The following ALB variants were observed in gnomAD, a reference collection of about 807,000 sequenced individuals.
ALB encodes serum albumin.
ALB carries 37 observed loss-of-function variants against 74.5 expected under a neutral mutation model. The observed-to-expected ratio is 0.50, with a 90% confidence interval of 0.38 to 0.65. ALB has a LOEUF of 0.65. ALB is among the 30% of genes least tolerant of loss of function. ALB has a pLI of 0.00. For missense variants in ALB, 685 were observed against 718.7 expected, an observed-to-expected ratio of 0.95 and a Z score of 0.54; for synonymous variants, 249 against 251.6, an observed-to-expected ratio of 0.99 and a Z score of 0.10.
rs1239014347 is a variant in ALB at position 73,419,589 on chromosome 4, G to A, written c.1735G>A (p.Val579Ile). ...TGTTATGGATGATTTCGCAGCTTTT[G>A]TAGAGAAGTGCTGCAAGGCTGACGA... ...KAVMDDFAAF[V>I]EKCCKADDKE... The change falls in exon 13 of 15, where the codon GTA becomes ATA. Residue 579 changes from valine to isoleucine, a missense_variant. By Grantham distance (29) the Val-to-Ile change is conservative (BLOSUM62 3). Transcript: ENST00000295897. The A allele has an allele frequency of 6.2e-6, 10 of 1,613,820 alleles. No homozygotes were observed. The highest frequency in any genetic ancestry group is 8.5e-6 in the Non-Finnish European group (10 of 1,179,936).
chr4:73,405,652 G>T (rs931890491), intron 2 of ALB, among the ~76,000 whole-genome samples: 1 of 151,314 alleles, frequency 6.6e-6, no homozygotes, highest in Non-Finnish European at 1.5e-5. Context: ...GTGCAGTGGC[G>T]CAATCTCGGC....
In ALB at chr4:73,410,368, T is replaced by A; in HGVS notation, c.672T>A (p.Cys224Ter). 1 of 1,613,884 alleles carries A rather than the reference T, an allele frequency of 6.2e-7. No homozygotes were observed. The highest frequency in any genetic ancestry group is 8.5e-7 in the Non-Finnish European group (1 of 1,179,776). ...KASSAKQRLK[C>*]ASLQKFGERA... The stretch of plus-strand genomic sequence containing the variant: ...CGTCTGCCAAACAGAGACTCAAGTG[T>A]GCCAGTCTCCAAAAATTTGGAGAAA... Residue 224 changes from cysteine (C) to a stop codon, truncating the protein, a stop_gained, in exon 6 of 15, where the codon TGT becomes TGA. Coordinates refer to ENST00000295897, the MANE Select transcript of ALB (RefSeq NM_000477.7). LOFTEE classifies it high-confidence loss of function.
At chr4:73,417,184 C>T (rs1201173080) in intron 10 of ALB, among the ~76,000 whole-genome samples, 1 of 152,152 alleles carries the variant, frequency 6.6e-6, no homozygotes, top group Non-Finnish European at 1.5e-5. Flanking sequence ...ATATTTCCTT[C>T]CATTTTCTAC....
At chr4:73,413,732 G>A in intron 8 of ALB, 98 bp downstream of exon 8, 1 of 1,195,386 alleles carries the variant, frequency 8.4e-7, no homozygotes, top group Non-Finnish European at 1.2e-6. Context: ...CAATTTCCCT[G>A]CTGCCCAGAA....
Position 73,419,625 on chromosome 4 carries a change from T to C in ALB, c.1771T>C (p.Cys591Arg). The C allele has an allele frequency of 6.2e-7, 1 of 1,614,086 alleles. No individual in the cohort carries two copies. Among genetic ancestry groups the C allele is most frequent in the Non-Finnish European group, 8.5e-7 (1 of 1,179,966 alleles). ...KCCKADDKET[C>R]FAEEGKKLVA... The stretch of plus-strand genomic sequence containing the variant: ...CTGCAAGGCTGACGATAAGGAGACC[T>C]GCTTTGCCGAGGAGGTACTACAGTT... The change falls in exon 13 of 15, where the codon TGC becomes CGC. Residue 591 changes from cysteine to arginine, a missense_variant. Coordinates refer to ENST00000295897, the MANE Select transcript of ALB (RefSeq NM_000477.7).
At chr4:73,413,230 A>G in intron 7 of ALB, 190 bp from the exon 8 acceptor site, 1 of 621,584 alleles carries the variant, frequency 1.6e-6, no homozygotes, top group Non-Finnish European at 2.9e-6. Context: ...GTCTATTTTA[A>G]TTAAGTGGGA....
chr4:73,418,750 A>G (rs1560385020), intron 12 of ALB, among the ~76,000 whole-genome samples: 1 of 152,230 alleles, frequency 6.6e-6, no homozygotes, highest in Non-Finnish European at 1.5e-5. Flanking sequence ...CTTGGATAAA[A>G]AACATGTAGA....
chr4:73,415,783 T>C (rs1718997628), intron 9 of ALB, among the ~76,000 whole-genome samples: 1 of 152,188 alleles, frequency 6.6e-6, no homozygotes, highest in Non-Finnish European at 1.5e-5. Context: ...TCTCTCATTT[T>C]GGAGAGCCTG....
intron 5 of ALB, 58 bp downstream of exon 5, chr4:73,409,545 T>C: frequency 6.2e-7 from 1 of 1,611,614 alleles, no homozygotes; most frequent in Non-Finnish European, 8.5e-7. Context: ...TTTGTCCATT[T>C]TGTGGCTAGA....
chr4:73,404,974 G>T (rs1314399287), intron 1 of ALB, 142 bp from the exon 2 acceptor site: 4 of 716,924 alleles, frequency 5.6e-6, no homozygotes, highest in African/African-American at 1.8e-5. Context: ...ACATCATCCT[G>T]AGTTTTTCTG....
Position 73,410,225 on chromosome 4 carries a change from A to AT in ALB, c.616-84dup, listed in dbSNP as rs1032236294. ...GCATAAATTATGCCTTCAAAATTTAATTTGGCACAGTCTCATCTGAGCTTA... is the reference window on the plus strand; with the variant it reads ...GCATAAATTATGCCTTCAAAATTTAATTTTGGCACAGTCTCATCTGAGCTTA... On this transcript the variant is annotated intron_variant, in intron 5 of 14. Coordinates refer to ENST00000295897, the MANE Select transcript of ALB (RefSeq NM_000477.7). The AT allele has an allele frequency of 2.9e-6, 3 of 1,033,666 alleles. No individual in the cohort carries two copies. The African/African-American group carries it at 4.7e-5, about 16-fold the overall frequency. The allele number at this position is 1,033,666 out of a possible 1,614,324, so 64.0% of individuals were successfully genotyped here. A position where few individuals can be genotyped will look rare whatever the true frequency, so the allele number is the denominator to read the frequency against.
chr4:73,419,706 T>G (rs1719100503), intron 13 of ALB, 67 bp downstream of exon 13: 7 of 1,570,914 alleles, frequency 4.5e-6, no homozygotes, highest in South Asian at 2.2e-5. Context: ...AGGCTAGGGC[T>G]TAGGGATTTA....
chr4:73,420,972 T>C, intron 14 of ALB, 120 bp from the exon 15 acceptor site: 1 of 587,340 alleles, frequency 1.7e-6, no homozygotes, highest in Non-Finnish European at 3.0e-6. Flanking sequence ...AGGCTTAAAT[T>C]GTTTTCACTG....
chr4:73,416,392 G>T (rs368009683), intron 10 of ALB, 39 bp downstream of exon 10: 1 of 1,489,636 alleles, frequency 6.7e-7, no homozygotes. Context: ...TTATCAATTT[G>T]TAATTATTTA....
At chr4:73,407,226 T>C (rs1189707656) in intron 3 of ALB, among the ~76,000 whole-genome samples, 1 of 152,158 alleles carries the variant, frequency 6.6e-6, no homozygotes, top group Non-Finnish European at 1.5e-5. Flanking sequence ...CATCTTGCTG[T>C]ATTAAAACTT....
chr4:73,406,449 A>G (rs1718731785), intron 2 of ALB, among the ~76,000 whole-genome samples, 180 bp from the exon 3 acceptor site: 1 of 152,226 alleles, frequency 6.6e-6, no homozygotes, highest in Non-Finnish European at 1.5e-5. Flanking sequence ...TTGCGTAGGA[A>G]GCCACATATG....
chr4:73,412,190 G>C, intron 7 of ALB, 65 bp downstream of exon 7: 2 of 1,591,596 alleles, frequency 1.3e-6, no homozygotes, highest in Non-Finnish European at 1.7e-6. Flanking sequence ...GGATGCGTTT[G>C]GTATCATTGG....
intron 3 of ALB, 27 bp from the exon 4 acceptor site, chr4:73,408,567 A>G (rs768193693): frequency 6.2e-7 from 1 of 1,601,240 alleles, no homozygotes; most frequent in Non-Finnish European, 8.6e-7. Context: ...ACTGTCCAGC[A>G]ACTGAAACCT....
At chr4:73,408,518 A>C in intron 3 of ALB, 76 bp from the exon 4 acceptor site, 1 of 1,303,510 alleles carries the variant, frequency 7.7e-7, no homozygotes, top group Admixed American at 1.9e-5. Context: ...CAGTATATTA[A>C]ATCCTTTGTA....
Sources: allele counts gnomAD v4.1 joint callset (sites outside exome capture counted in the v4.1 genomes callset), GRCh38; gene constraint gnomAD v4.1.1; transcripts MANE v1.5; gene names NCBI Gene and HGNC (gene_info 2026-07-23, HGNC 2026-07-21).